SEC23A: variants seen among roughly 807,000 people sequenced by gnomAD.
SEC23A encodes SEC23 homolog A, COPII component, also known as protein transport protein Sec23A.
SEC23A carries 56 observed loss-of-function variants against 103.7 expected under a neutral mutation model. The observed-to-expected ratio is 0.54, with a 90% CI of 0.44 to 0.67. The LOEUF (loss-of-function observed/expected upper bound fraction) is 0.67. SEC23A is among the 30% of genes least tolerant of loss of function. The pLI is 0.00. For synonymous variants in SEC23A, 281 were observed against 293.0 expected (o/e 0.96, Z 0.42); for missense variants, 784 against 936.4 (o/e 0.84, Z 2.12).
chr14:39,047,156 A>G (rs1885867421), intron 15 of SEC23A, among the ~76,000 whole-genome samples: 1 of 152,200 alleles, frequency 6.6e-6, no homozygotes, highest in African/African-American at 2.4e-5. Context: ...GACAAAAAGT[A>G]TTCCAGGGTC....
At chr14:39,041,091 G>A (rs1027647954) in intron 17 of SEC23A, 3 of 520,960 alleles carry the variant, frequency 5.8e-6, no homozygotes, top group African/African-American at 2.0e-5. Flanking sequence ...TCCTTTAAAA[G>A]TAAAATGAAA....
chr14:39,066,257 T>C (rs983203863), intron 10 of SEC23A, among the ~76,000 whole-genome samples: 5 of 152,038 alleles, frequency 3.3e-5, no homozygotes, highest in South Asian at 2.1e-4. Flanking sequence ...CCAAGCAATG[T>C]TGGGCATATA....
intron 16 of SEC23A, among the ~76,000 whole-genome samples, chr14:39,043,315 T>A (rs1203075451): frequency 1.3e-5 from 2 of 152,180 alleles, no homozygotes; most frequent in African/African-American, 2.4e-5. Flanking sequence ...AATTTATATT[T>A]TATTACCTAA....
At chr14:39,041,021 A>C in intron 17 of SEC23A, 134 bp from the exon 18 acceptor site, 1 of 942,210 alleles carries the variant, frequency 1.1e-6, no homozygotes, top group Non-Finnish European at 1.5e-6. Context: ...CAATTTTTTA[A>C]AAGTTACAAT....
rs760079977 is a variant in SEC23A, at chr14:39,039,019, A to G, written c.2208+12T>C. 8 of 1,603,922 alleles carry G rather than the reference A, an allele frequency of 5.0e-6. No homozygotes were observed. The highest frequency in any genetic ancestry group is 6.8e-6 in the Non-Finnish European group (8 of 1,170,828). ...AAAGAAATAATTTCCAAGACCTGCT[A>G]TTTAAACTTACCTGCCCCCAGGCAT... On this transcript the variant is annotated intron_variant, in intron 19 of 19. Coordinates refer to ENST00000307712, the MANE Select transcript of SEC23A (RefSeq NM_006364.4).
At chr14:39,038,912 C>A in intron 19 of SEC23A, 119 bp downstream of exon 19, 2 of 885,424 alleles carry the variant, frequency 2.3e-6, no homozygotes, top group South Asian at 1.5e-5. Context: ...CTCATTTTTA[C>A]ATTACTTTTC....
Position 39,075,989 on chromosome 14 carries a change from T to C in SEC23A, c.933A>G (p.Arg311=), listed in dbSNP as rs1420292645. The change falls in exon 8 of 20, where the codon AGA becomes AGG. Residue 311 remains arginine (R), a synonymous_variant. Coordinates refer to ENST00000307712, the MANE Select transcript of SEC23A (RefSeq NM_006364.4). ...VVGDELKTPI[R]SWHDIDKDNA... is the part of the protein sequence containing the mutation. ...TGTCTTTGTCAATGTCATGCCACGA[T>C]CTTATAGGTGTCTTCAACTCATCTC... is the stretch of plus-strand genomic sequence containing the variant. 3 of 1,613,898 alleles carry C rather than the reference T, an allele frequency of 1.9e-6. No homozygotes were observed. The highest frequency in any genetic ancestry group is 2.5e-6 in the Non-Finnish European group (3 of 1,179,958).
At position 39,045,330 on chromosome 14, in the gene SEC23A, A is replaced by G. The variant is rs768611692; in HGVS notation, c.1738-6T>C. The G allele has an allele frequency of 3.1e-6, 5 of 1,597,630 alleles. No homozygotes were observed. Among genetic ancestry groups the G allele is most frequent in the Non-Finnish European group, 4.3e-6 (5 of 1,165,696 alleles). On this transcript the variant is annotated splice_region_variant and splice_polypyrimidine_tract_variant and intron_variant, in intron 15 of 19. Transcript: ENST00000307712. The stretch of plus-strand genomic sequence containing the variant: ...CTTCTTAAATGAAACATAAACTGTA[A>G]GATAAACACGTAAGATAGTTGTTAC...
At chr14:39,095,368 C>G (rs1358340414) in intron 2 of SEC23A, among the ~76,000 whole-genome samples, 1 of 151,842 alleles carries the variant, frequency 6.6e-6, no homozygotes, top group Non-Finnish European at 1.5e-5. Context: ...ACGATCTCAG[C>G]TCACTGCAAC....
rs534828506 is a variant in SEC23A, at chr14:39,096,027, G to C, written c.92C>G (p.Ala31Gly). The C allele has an allele frequency of 6.2e-7, 1 of 1,614,038 alleles. No homozygotes were observed. Among genetic ancestry groups the C allele is most frequent in the Admixed American group, 1.7e-5 (1 of 60,018 alleles). Reference sequence around the variant, plus strand: ...TGCCACAGGAACAACCATTCTTGTAGCTTCCAGTCGACTTGATGGCCAAAC... The same window carrying C: ...TGCCACAGGAACAACCATTCTTGTACCTTCCAGTCGACTTGATGGCCAAAC... ...WNVWPSSRLE[A>G]TRMVVPVAAL... The change falls in exon 2 of 20, where the codon GCT becomes GGT. Residue 31 changes from alanine to glycine, a missense_variant. By Grantham distance (60) the Ala-to-Gly change is moderately conservative (BLOSUM62 0). Around this residue, in one of 2 missense-constraint regions of SEC23A, gnomAD observed 683 missense variants for 774.2 expected, o/e 0.88. Coordinates refer to ENST00000307712, the MANE Select transcript of SEC23A (RefSeq NM_006364.4).
At chr14:39,036,805 A>G (rs935764844) in intron 19 of SEC23A, among the ~76,000 whole-genome samples, 1 of 152,190 alleles carries the variant, frequency 6.6e-6, no homozygotes, top group African/African-American at 2.4e-5. Context: ...TTAAATTTGC[A>G]AAAGAATCAT....
intron 19 of SEC23A, 114 bp downstream of exon 19, chr14:39,038,917 C>T: frequency 6.4e-6 from 6 of 941,316 alleles, no homozygotes; most frequent in Non-Finnish European, 1.0e-5. Context: ...TTTTACATTA[C>T]TTTTCCAACA....
In SEC23A at chr14:39,047,291, T is replaced by G. The variant is rs1371337331; in HGVS notation, c.1737+1361A>C. The stretch of plus-strand genomic sequence containing the variant: ...AGAAAGTGTGCAGAATTTAGTCAAA[T>G]ACTTAGGCTAATGCCCTCCATCACT... On this transcript the variant is annotated intron_variant, in intron 15 of 19. Coordinates refer to ENST00000307712, the MANE Select transcript of SEC23A (RefSeq NM_006364.4). 4 of 724,676 alleles carry G rather than the reference T, an allele frequency of 5.5e-6. No homozygotes were observed. In the East Asian group the frequency reaches 2.8e-4, roughly 51 times the overall value. 44.9% of individuals were successfully genotyped at this position (724,676 alleles called of 1,614,324 possible). A position where few individuals can be genotyped will look rare whatever the true frequency, so the allele number is the denominator to read the frequency against.
At chr14:39,089,875 G>C (rs1281539478) in intron 5 of SEC23A, among the ~76,000 whole-genome samples, 2 of 152,226 alleles carry the variant, frequency 1.3e-5, no homozygotes, top group East Asian at 3.9e-4. Flanking sequence ...AGAATAGCTT[G>C]AACCCGGGAG....
chr14:39,041,408 G>GAA (rs1885631519), intron 17 of SEC23A: 1 of 8,816 alleles, frequency 1.1e-4, no homozygotes, highest in Non-Finnish European at 2.1e-4. Context: ...CAAAGAAAAA[G>GAA]CAAAAAAAAA....
intron 6 of SEC23A, among the ~76,000 whole-genome samples, chr14:39,086,110 G>A (rs1013452434): frequency 1.3e-5 from 2 of 152,150 alleles, no homozygotes; most frequent in South Asian, 2.1e-4. Flanking sequence ...AGTTTGTTTC[G>A]GTAGGTCTGG....
At chr14:39,058,910 A>G (rs538837222) in intron 13 of SEC23A, among the ~76,000 whole-genome samples, 92 of 152,296 alleles carry the variant, frequency 6.0e-4, no homozygotes, top group African/African-American at 2.1e-3. Flanking sequence ...GACGGTATTT[A>G]TTTGCTTTAA....
intron 14 of SEC23A, 139 bp downstream of exon 14, chr14:39,055,004 G>T: frequency 1.1e-6 from 1 of 927,164 alleles, no homozygotes; most frequent in Non-Finnish European, 1.7e-6. Flanking sequence ...CTGTGCTACT[G>T]TCTCAGTAAT....
chr14:39,057,503 T>C (rs371327079), intron 13 of SEC23A, among the ~76,000 whole-genome samples: 2 of 152,230 alleles, frequency 1.3e-5, no homozygotes. Flanking sequence ...GCAGCAGGAC[T>C]ACAGGCACGG....
Sources: gnomAD v4.1 joint callset for allele counts (sites outside exome capture counted in the v4.1 genomes callset) on GRCh38, gnomAD v4.1.1 for gene constraint, gnomAD v4.1.1 regional missense constraint, MANE v1.5 for transcripts, NCBI Gene and HGNC (gene_info 2026-07-23, HGNC 2026-07-21) for gene names.